Variants in DNM3 observed in about 807,000 individuals in gnomAD.
The protein encoded by DNM3 is dynamin 3.
In DNM3, 47 loss-of-function variants were observed where a neutral mutation model predicts 101.6. The observed-to-expected ratio is 0.46, with a 90% CI of 0.37 to 0.59. The LOEUF (loss-of-function observed/expected upper bound fraction) is 0.59. Ranked by LOEUF, DNM3 falls within the 20% of genes least tolerant of loss-of-function variation. The pLI, the probability that DNM3 is intolerant of heterozygous loss-of-function variation, is 0.00. For synonymous variants in DNM3, 385 were observed against 387.9 expected, an observed-to-expected ratio of 0.99 and a Z score of 0.09; for missense variants, 849 against 1,085.7, an observed-to-expected ratio of 0.78 and a Z score of 3.06.
At chr1:172,078,732 G>A (rs1309538340) in intron 11 of DNM3, among the ~76,000 whole-genome samples, 4 of 152,008 alleles carry the variant, frequency 2.6e-5, no homozygotes, top group South Asian at 4.2e-4. Context: ...TTTTTTTACC[G>A]TTTGGTATGT....
intron 1 of DNM3, among the ~76,000 whole-genome samples, chr1:171,852,353 G>T (rs1195393043): frequency 1.3e-5 from 2 of 152,180 alleles, no homozygotes; most frequent in Admixed American, 1.3e-4. Context: ...AGTTAAGAAA[G>T]GACATGTTTG....
chr1:171,916,623 A>T (rs2039732019), intron 1 of DNM3, among the ~76,000 whole-genome samples: 1 of 152,156 alleles, frequency 6.6e-6, no homozygotes, highest in Non-Finnish European at 1.5e-5. Flanking sequence ...TTTCTGAATG[A>T]CATACACCGG....
At chr1:171,969,320 G>A (rs1311773374) in intron 2 of DNM3, among the ~76,000 whole-genome samples, 1 of 152,226 alleles carries the variant, frequency 6.6e-6, no homozygotes, top group Non-Finnish European at 1.5e-5. Context: ...AAGTAGAGGT[G>A]TAGGAGTAAT....
At chr1:171,894,260 C>G (rs1019094683) in intron 1 of DNM3, among the ~76,000 whole-genome samples, 1 of 152,174 alleles carries the variant, frequency 6.6e-6, no homozygotes. Flanking sequence ...ACCTGGCCCC[C>G]ACCTTTCCTG....
chr1:172,263,371 A>C (rs569679004), intron 15 of DNM3, among the ~76,000 whole-genome samples: 1 of 152,242 alleles, frequency 6.6e-6, no homozygotes, highest in African/African-American at 2.4e-5. Flanking sequence ...AATTGGAATG[A>C]AATTCCAATT....
chr1:172,219,636 T>C (rs1439338331), intron 14 of DNM3, among the ~76,000 whole-genome samples: 1 of 151,924 alleles, frequency 6.6e-6, no homozygotes, highest in Admixed American at 6.6e-5. Context: ...GCTGGACCTT[T>C]TTAGAACGCA....
At chr1:172,239,061 C>CT (rs2061647554) in intron 14 of DNM3, among the ~76,000 whole-genome samples, 1 of 152,184 alleles carries the variant, frequency 6.6e-6, no homozygotes, top group African/African-American at 2.4e-5. Context: ...CCCTCTCAGC[C>CT]TGTAGTCACA....
intron 10 of DNM3, among the ~76,000 whole-genome samples, chr1:172,061,696 G>A (rs12139236): frequency 1.6e-5 from 2 of 122,704 alleles, no homozygotes; most frequent in African/African-American, 3.1e-5. Context: ...TGGGGACTGT[G>A]GTGGGGTGGG....
Position 172,118,154 on chromosome 1 carries a change from T to C in DNM3, c.1546-13021T>C, listed in dbSNP as rs372903887. Among the ~76,000 whole-genome samples the C allele has an allele frequency of 1.2e-4, 19 of 152,310 alleles. No individual in the cohort carries two copies. The South Asian group carries it at 3.9e-3, about 32-fold the overall frequency. On this transcript the variant is annotated intron_variant, in intron 13 of 20. Transcript: ENST00000627582. ...CTTGATTCCTTCACATTGGAAGAGA[T>C]TTAAAACTAGGATTCCACATTAGAT...
chr1:171,984,885 C>T (rs1428452119), intron 2 of DNM3, among the ~76,000 whole-genome samples: 1 of 152,058 alleles, frequency 6.6e-6, no homozygotes, highest in African/African-American at 2.4e-5. Flanking sequence ...AAGGGGTTGA[C>T]AAAATAAATA....
In DNM3 at chr1:172,202,925, T is replaced by C. The variant is rs933640162; in HGVS notation, c.1660-50648T>C. On this transcript the variant is annotated intron_variant, in intron 14 of 20. Coordinates refer to ENST00000627582, the MANE Select transcript of DNM3 (RefSeq NM_015569.5). ...TAATTCAAAGTGATGATGTTTATCA[T>C]TGAAGGAAGTATTACTAGAATTATA... is the stretch of plus-strand genomic sequence containing the variant. 4.6e-5 allele frequency among the ~76,000 whole-genome samples: 7 copies of C among 152,252 alleles called. No individual in the cohort carries two copies. In the East Asian group the frequency reaches 5.8e-4, roughly 13 times the overall value.
At position 172,411,959 on chromosome 1, in the gene DNM3, T is replaced by G. The variant is rs2071234187; in HGVS notation, c.*4118T>G. On this transcript the variant is annotated 3_prime_UTR_variant, in exon 21 of 21. Coordinates refer to ENST00000627582, the MANE Select transcript of DNM3 (RefSeq NM_015569.5). ...GATACTCTTACTCATCCTGTCTGGT[T>G]GCTATGTTTAAAATTATGTGGTGCT... 1 of 985,814 alleles carries G rather than the reference T, an allele frequency of 1.0e-6. No homozygotes were observed. Among genetic ancestry groups the G allele is most frequent in the Non-Finnish European group, 1.2e-6 (1 of 829,880 alleles). 61.1% of individuals were successfully genotyped at this position (985,814 alleles called of 1,614,324 possible). A position where few individuals can be genotyped will look rare whatever the true frequency, so the allele number is the denominator to read the frequency against.
chr1:172,090,957 A>T (rs911291466), intron 12 of DNM3, among the ~76,000 whole-genome samples: 1 of 152,202 alleles, frequency 6.6e-6, no homozygotes, highest in African/African-American at 2.4e-5. Context: ...AGTATTGCTG[A>T]TCTTCCCAGA....
At chr1:172,006,311 G>A (rs1412047740) in intron 4 of DNM3, among the ~76,000 whole-genome samples, 1 of 151,984 alleles carries the variant, frequency 6.6e-6, no homozygotes, top group Non-Finnish European at 1.5e-5. Context: ...TTTCTTCCTT[G>A]TCCATTATCT....
intron 12 of DNM3, among the ~76,000 whole-genome samples, chr1:172,090,082 G>A (rs1461694837): frequency 1.3e-5 from 2 of 152,164 alleles, no homozygotes; most frequent in East Asian, 1.9e-4. Flanking sequence ...ATTTGAAGGG[G>A]ACTGATACAT....
At chr1:172,239,798 C>CTTTTT (rs369238528) in intron 14 of DNM3, among the ~76,000 whole-genome samples, 2,015 of 106,666 alleles carry the variant, frequency 0.019, 221 homozygotes, top group African/African-American at 0.059. Flanking sequence ...CTTTTTTTTT[C>CTTTTT]TCTTTTTTTT....
At chr1:172,028,248 C>T (rs2048351864) in intron 4 of DNM3, among the ~76,000 whole-genome samples, 1 of 152,180 alleles carries the variant, frequency 6.6e-6, no homozygotes. Flanking sequence ...CAAATTAGAA[C>T]TCAGGATTAA....
intron 14 of DNM3, among the ~76,000 whole-genome samples, chr1:172,166,875 T>C (rs2058763323): frequency 6.6e-6 from 1 of 151,844 alleles, no homozygotes; most frequent in Admixed American, 6.6e-5. Flanking sequence ...ATTTATGTCA[T>C]CCAGAAGTTC....
intron 14 of DNM3, among the ~76,000 whole-genome samples, chr1:172,242,842 G>A (rs1444174619): frequency 1.3e-5 from 2 of 152,164 alleles, no homozygotes; most frequent in Admixed American, 6.6e-5. Flanking sequence ...CCAAGGACAA[G>A]AAGCCAAATG....
Sources: gnomAD v4.1 joint callset for allele counts (sites outside exome capture counted in the v4.1 genomes callset) on GRCh38, gnomAD v4.1.1 for gene constraint, MANE v1.5 for transcripts, NCBI Gene and HGNC (gene_info 2026-07-23, HGNC 2026-07-21) for gene names.